SYT2: variants seen among roughly 807,000 people sequenced by gnomAD.
The protein encoded by SYT2 is synaptotagmin-2.
SYT2 carries 15 observed loss-of-function variants against 39.9 expected under a neutral mutation model. The observed-to-expected ratio is 0.38, with a 90% CI of 0.25 to 0.58. SYT2 has a LOEUF of 0.58. Ranked by LOEUF, SYT2 falls within the 20% of genes least tolerant of loss-of-function variation. SYT2 has a pLI of 0.70. For missense variants in SYT2, 389 were observed against 530.3 expected (o/e 0.73, Z 2.62); for synonymous variants, 181 against 204.5 (o/e 0.89, Z 0.98).
intron 1 of SYT2, among the ~76,000 whole-genome samples, chr1:202,702,061 T>C (rs1368919088): frequency 6.6e-6 from 1 of 152,158 alleles, no homozygotes; most frequent in Non-Finnish European, 1.5e-5. Flanking sequence ...TCTTTGGGGC[T>C]CACGATCTAC....
Position 202,698,719 on chromosome 1 carries a change from G to T in SYT2, c.-18+11539C>A, listed in dbSNP as rs143144328. Among the ~76,000 whole-genome samples the T allele has an allele frequency of 1.1e-4, 17 of 152,280 alleles. No homozygotes were observed. The East Asian group carries it at 2.7e-3, about 24-fold the overall frequency. ...GAACAGGAAGGGTGGATAGGAATAG[G>T]AAATAGGCACTCAGTACAGCAAGAA... On this transcript the variant is annotated intron_variant, in intron 1 of 8. Coordinates refer to ENST00000367268, the MANE Select transcript of SYT2 (RefSeq NM_177402.5).
chr1:202,657,622 C>T (rs13374701), intron 1 of SYT2, among the ~76,000 whole-genome samples: 3,504 of 152,210 alleles, frequency 0.023, 105 homozygotes, highest in East Asian at 0.16. Flanking sequence ...GGGACCCTGG[C>T]TCCTGGGGTG....
At chr1:202,663,715 A>G (rs1352550251) in intron 1 of SYT2, among the ~76,000 whole-genome samples, 5 of 152,064 alleles carry the variant, frequency 3.3e-5, no homozygotes, top group African/African-American at 1.2e-4. Flanking sequence ...TCCAGACACT[A>G]TCTCCTCTGA....
Position 202,624,926 on chromosome 1 carries a change from CTGTG to C in SYT2, c.-17-19141_-17-19138del, listed in dbSNP as rs557267596. ...GTGTAGTAGGGTGTGTGGTGTGTGT[CTGTG>C]TGGTGTGTTTGTGTAGTGTGTGTGG... On this transcript the variant is annotated intron_variant, in intron 1 of 8. Transcript: ENST00000367268. 6.5e-4 allele frequency among the ~76,000 whole-genome samples: 73 copies of C among 113,134 alleles called. No homozygotes were observed. The South Asian group carries it at 0.011, about 17-fold the overall frequency. 74.2% of individuals were successfully genotyped at this position (113,134 alleles called of 152,430 possible). A position where few individuals can be genotyped will look rare whatever the true frequency, so the allele number is the denominator to read the frequency against.
chr1:202,704,797 G>A (rs905927261), intron 1 of SYT2, among the ~76,000 whole-genome samples: 4 of 152,204 alleles, frequency 2.6e-5, no homozygotes, highest in Admixed American at 2.6e-4. Context: ...GGCTGGAGCA[G>A]CTCTGGATTC....
At chr1:202,647,588 G>A (rs1170972015) in intron 1 of SYT2, among the ~76,000 whole-genome samples, 1 of 152,238 alleles carries the variant, frequency 6.6e-6, no homozygotes, top group Non-Finnish European at 1.5e-5. Flanking sequence ...CTAGCTGAAT[G>A]AGGAGTGAGG....
At chr1:202,664,937 G>A (rs1388652036) in intron 1 of SYT2, among the ~76,000 whole-genome samples, 3 of 152,210 alleles carry the variant, frequency 2.0e-5, no homozygotes, top group Admixed American at 6.5e-5. Flanking sequence ...GGGATTACAG[G>A]CGTGAGCCAC....
intron 1 of SYT2, among the ~76,000 whole-genome samples, chr1:202,659,290 T>C (rs1251211798): frequency 1.3e-5 from 2 of 152,162 alleles, no homozygotes; most frequent in Non-Finnish European, 2.9e-5. Flanking sequence ...TCCAGCTCTG[T>C]TTTCCCCGTT....
At position 202,647,617 on chromosome 1, in the gene SYT2, G is replaced by C. The variant is rs537001760; in HGVS notation, c.-17-41828C>G. 1.6e-3 allele frequency among the ~76,000 whole-genome samples: 249 copies of C among 152,354 alleles called. 2 individuals are homozygous for C. The highest frequency in any genetic ancestry group is 2.4e-3 in the Non-Finnish European group (166 of 68,038). On this transcript the variant is annotated intron_variant, in intron 1 of 8. Coordinates refer to ENST00000367268, the MANE Select transcript of SYT2 (RefSeq NM_177402.5). ...AGTGAGGGAGAAAGAGGGGAAGGGA[G>C]AGAAGAGGATGCTTGAGAAGCTGAT...
chr1:202,645,692 CTG>C (rs1037470619), intron 1 of SYT2, among the ~76,000 whole-genome samples: 7 of 152,322 alleles, frequency 4.6e-5, no homozygotes, highest in African/African-American at 1.7e-4. Context: ...TCTGAAAATA[CTG>C]TGTTTAATGT....
intron 2 of SYT2, chr1:202,605,082 A>G: frequency 5.9e-6 from 1 of 170,082 alleles, no homozygotes; most frequent in Non-Finnish European, 1.3e-5. Context: ...CTAGACCTAG[A>G]CTGCTGCTGG....
chr1:202,624,155 A>G (rs974150869), intron 1 of SYT2, among the ~76,000 whole-genome samples: 2 of 151,664 alleles, frequency 1.3e-5, no homozygotes, highest in Non-Finnish European at 2.9e-5. Flanking sequence ...GTGAGTGTGC[A>G]TATGTGGCGT....
intron 1 of SYT2, among the ~76,000 whole-genome samples, chr1:202,691,000 C>T (rs1012980872): frequency 2.6e-5 from 4 of 152,138 alleles, no homozygotes; most frequent in African/African-American, 9.7e-5. Flanking sequence ...CAGTTCTCGT[C>T]CTACTCACAC....
At chr1:202,706,339 C>T (rs1178276096) in intron 1 of SYT2, among the ~76,000 whole-genome samples, 4 of 151,944 alleles carry the variant, frequency 2.6e-5, no homozygotes, top group African/African-American at 9.7e-5. Flanking sequence ...GTGGACAGTG[C>T]TCCCTGCAGC....
In SYT2 at chr1:202,601,610, GTGT is replaced by G. The variant is rs1173066617; in HGVS notation, c.801+277_801+279del. On this transcript the variant is annotated intron_variant, in intron 6 of 8. Transcript: ENST00000367268. The surrounding 1 kb of genome is among the most constrained non-coding windows in gnomAD (Gnocchi z 4.0). ...AAGCTTAGGAGTAACAATAATAATG[GTGT>G]TTTTATTTATTTGAGTACCTACCAA... Among the ~76,000 whole-genome samples, 1 of 152,198 alleles carries G rather than the reference GTGT, an allele frequency of 6.6e-6. No homozygotes were observed. Among genetic ancestry groups the G allele is most frequent in the African/African-American group, 2.4e-5 (1 of 41,454 alleles).
intron 1 of SYT2, among the ~76,000 whole-genome samples, chr1:202,624,330 G>A (rs1691287953): frequency 6.7e-6 from 1 of 148,980 alleles, no homozygotes; most frequent in Non-Finnish European, 1.5e-5. Context: ...TAGGGGTGGA[G>A]GCTCTAGTGG....
At chr1:202,687,490 A>G (rs927811681) in intron 1 of SYT2, among the ~76,000 whole-genome samples, 5 of 152,058 alleles carry the variant, frequency 3.3e-5, no homozygotes, top group Non-Finnish European at 7.4e-5. Flanking sequence ...GGGGTGTGTG[A>G]TCGACCTTCA....
chr1:202,629,884 TAC>T (rs1691528887), intron 1 of SYT2, among the ~76,000 whole-genome samples: 1 of 67,752 alleles, frequency 1.5e-5, no homozygotes, highest in African/African-American at 4.4e-5. Flanking sequence ...GGGGGGGTGG[TAC>T]GGCAGGTGTG....
chr1:202,610,960 T>C (rs1462274919), intron 1 of SYT2, among the ~76,000 whole-genome samples: 1 of 152,072 alleles, frequency 6.6e-6, no homozygotes, highest in African/African-American at 2.4e-5. Flanking sequence ...CTTCACAGAA[T>C]TGGAAAAAAC....
Sources: allele counts gnomAD v4.1 joint callset (sites outside exome capture counted in the v4.1 genomes callset), GRCh38; gene constraint gnomAD v4.1.1; non-coding constraint Gnocchi (gnomAD v3.1); transcripts MANE v1.5; gene names NCBI Gene and HGNC (gene_info 2026-07-23, HGNC 2026-07-21).